The following FRMPD4 variants were observed in gnomAD, a reference collection of about 807,000 sequenced individuals.
The protein encoded by FRMPD4 is FERM and PDZ domain-containing protein 4.
FRMPD4 carries 22 observed loss-of-function variants against 94.1 expected under a neutral mutation model. That is an observed-to-expected ratio of 0.23 (90% confidence interval 0.17 to 0.33). FRMPD4 has a LOEUF of 0.33. FRMPD4 is among the 10% of genes least tolerant of loss of function. The pLI is 1.00. For synonymous variants in FRMPD4, 631 were observed against 548.6 expected, an observed-to-expected ratio of 1.15 and a Z score of -2.10; for missense variants, 1,111 against 1,339.9, an observed-to-expected ratio of 0.83 and a Z score of 2.67.
At chrX:12,111,808 A>G (rs1188361898) in intron 3 of FRMPD4, among the ~76,000 whole-genome samples, 1 of 112,283 alleles carries the variant, frequency 8.9e-6, no homozygotes, top group Non-Finnish European at 1.9e-5. Context: ...CAACAGACAC[A>G]TGAAAAAATG....
chrX:12,527,873 T>C (rs1194814884), intron 2 of FRMPD4, among the ~76,000 whole-genome samples: 1 of 112,415 alleles, frequency 8.9e-6, no homozygotes, highest in African/African-American at 3.2e-5. Flanking sequence ...TTCAAGGACA[T>C]TTTAAGGCAT....
chrX:12,248,121 G>A (rs1258136980), intron 1 of FRMPD4, among the ~76,000 whole-genome samples: 1 of 112,296 alleles, frequency 8.9e-6, no homozygotes, highest in Non-Finnish European at 1.9e-5. Context: ...ACTGAAATGT[G>A]TCTTTTGAGA....
chrX:12,168,145 C>G (rs372992078), intron 1 of FRMPD4, among the ~76,000 whole-genome samples: 1 of 111,282 alleles, frequency 9.0e-6, no homozygotes, highest in East Asian at 2.8e-4. Context: ...TATTGAAAAA[C>G]CTGGTCTAAA....
At chrX:12,013,289 C>T (rs933089831) in intron 3 of FRMPD4, among the ~76,000 whole-genome samples, 2 of 111,840 alleles carry the variant, frequency 1.8e-5, no homozygotes, top group African/African-American at 6.5e-5. Context: ...CCCAACTTTC[C>T]ATTATGTTCT....
At chrX:12,515,353 C>T (rs1288395216) in intron 2 of FRMPD4, among the ~76,000 whole-genome samples, 4 of 111,612 alleles carry the variant, frequency 3.6e-5, no homozygotes, top group African/African-American at 1.3e-4. Flanking sequence ...CCACTTAACA[C>T]TGCTTTATCT....
At chrX:12,343,117 G>T (rs1350843364) in intron 1 of FRMPD4, among the ~76,000 whole-genome samples, 1 of 111,845 alleles carries the variant, frequency 8.9e-6, no homozygotes, top group Non-Finnish European at 1.9e-5. Context: ...GACCAGCTGA[G>T]GTCACTGTGG....
chrX:12,717,140 T>C lies in FRMPD4; in HGVS notation c.2674+7T>C, dbSNP rs752810269. The C allele has an allele frequency of 1.8e-6, 2 of 1,084,380 alleles. No individual in the cohort carries two copies. The highest frequency in any genetic ancestry group is 2.4e-5 in the Admixed American group (1 of 41,024). 89.4% of individuals were successfully genotyped at this position (1,084,380 alleles called of 1,213,427 possible). ...CAGACCAGTGACAATTCAGGTTCTTTCACAATTGTTACATTCATTCACTGA... is the reference window on the plus strand; with the variant it reads ...CAGACCAGTGACAATTCAGGTTCTTCCACAATTGTTACATTCATTCACTGA... On this transcript the variant is annotated splice_region_variant and intron_variant, in intron 15 of 16. Transcript: ENST00000675598.
intron 3 of FRMPD4, among the ~76,000 whole-genome samples, chrX:11,930,447 A>T (rs1158232602): frequency 9.0e-6 from 1 of 111,180 alleles, no homozygotes; most frequent in Non-Finnish European, 1.9e-5. Context: ...GAGAAGAAAC[A>T]TACACACAGA....
chrX:12,408,526 T>C (rs1157914498), intron 1 of FRMPD4, among the ~76,000 whole-genome samples: 1 of 110,684 alleles, frequency 9.0e-6, no homozygotes, highest in African/African-American at 3.3e-5. Flanking sequence ...AGCTAGGCAT[T>C]TGTTTTTGTT....
chrX:12,135,900 G>T (rs896031168), upstream of FRMPD4, among the ~76,000 whole-genome samples: 1 of 111,738 alleles, frequency 8.9e-6, no homozygotes, highest in Non-Finnish European at 1.9e-5. Flanking sequence ...TCCCAATCAC[G>T]AGCTGGTCTT....
At chrX:11,941,549 C>T in intron 3 of FRMPD4, among the ~76,000 whole-genome samples, 1 of 111,978 alleles carries the variant, frequency 8.9e-6, no homozygotes, top group Non-Finnish European at 1.9e-5. Context: ...AGAGGAAAAA[C>T]AGCTCCAATA....
chrX:12,064,819 G>A (rs1426520595), intron 3 of FRMPD4, among the ~76,000 whole-genome samples: 1 of 111,914 alleles, frequency 8.9e-6, no homozygotes, highest in African/African-American at 3.2e-5. Context: ...CAAAACAATT[G>A]AAAATGTTCA....
intron 1 of FRMPD4, among the ~76,000 whole-genome samples, chrX:12,388,930 C>G (rs1230890717): frequency 1.9e-5 from 2 of 104,156 alleles, no homozygotes; most frequent in Non-Finnish European, 3.9e-5. Context: ...AATGGGAGAA[C>G]ACTATGCTAA....
chrX:11,902,178 G>A (rs953059851), intron 3 of FRMPD4, among the ~76,000 whole-genome samples: 1 of 112,645 alleles, frequency 8.9e-6, no homozygotes, highest in Non-Finnish European at 1.9e-5. Flanking sequence ...TCATCAAATT[G>A]TAAGCAATTC....
At chrX:11,861,108 A>T (rs1279557723) in intron 1 of FRMPD4, among the ~76,000 whole-genome samples, 1 of 112,171 alleles carries the variant, frequency 8.9e-6, no homozygotes, top group East Asian at 2.8e-4. Flanking sequence ...AATTATGGTT[A>T]TGTTTGATAC....
chrX:12,290,722 CA>C (rs2054672545), intron 1 of FRMPD4, among the ~76,000 whole-genome samples: 1 of 111,909 alleles, frequency 8.9e-6, no homozygotes, highest in Non-Finnish European at 1.9e-5. Context: ...ATTTAAGCGA[CA>C]GAAGCAGCAA....
chrX:11,872,410 C>T (rs2053760528), intron 2 of FRMPD4, among the ~76,000 whole-genome samples: 1 of 112,265 alleles, frequency 8.9e-6, no homozygotes, highest in Non-Finnish European at 1.9e-5. Flanking sequence ...ATGACATTTC[C>T]TTTTCTTTCT....
chrX:12,444,951 T>C (rs1452844205), intron 1 of FRMPD4, among the ~76,000 whole-genome samples: 1 of 112,088 alleles, frequency 8.9e-6, no homozygotes, highest in Non-Finnish European at 1.9e-5. Context: ...ATTTCACTTA[T>C]TCTACAAGCA....
At chrX:11,988,756 GA>G (rs2054447827) in intron 3 of FRMPD4, among the ~76,000 whole-genome samples, 3 of 111,503 alleles carry the variant, frequency 2.7e-5, no homozygotes, top group Admixed American at 9.5e-5. Flanking sequence ...AACTCTATAG[GA>G]AAAAAATCTA....
Sources: allele counts gnomAD v4.1 joint callset (sites outside exome capture counted in the v4.1 genomes callset), GRCh38; gene constraint gnomAD v4.1.1; transcripts MANE v1.5; gene names NCBI Gene and HGNC (gene_info 2026-07-23, HGNC 2026-07-21).